COL15A1: variants seen among roughly 807,000 people sequenced by gnomAD.
The protein encoded by COL15A1 is collagen alpha-1(XV) chain.
Under a neutral mutation model 165.9 loss-of-function variants are expected in COL15A1, and 111 were observed. The observed-to-expected ratio is 0.67, with a 90% CI of 0.57 to 0.78. The LOEUF (loss-of-function observed/expected upper bound fraction) is 0.78, where lower values mean the gene tolerates loss of function less well. Among genes scored for constraint, COL15A1 ranks in the 30% least tolerant of loss-of-function variants. The pLI is 0.00. For missense variants in COL15A1, 1,745 were observed against 1,789.7 expected (o/e 0.98, Z 0.45); for synonymous variants, 659 against 674.8 (o/e 0.98, Z 0.36).
intron 24 of COL15A1, among the ~76,000 whole-genome samples, chr9:99,043,685 A>T (rs563553012): frequency 6.6e-6 from 1 of 152,188 alleles, no homozygotes; most frequent in Non-Finnish European, 1.5e-5. Context: ...GCTTGCTTTG[A>T]TGCTACTGTC....
At chr9:99,024,773 T>C in intron 14 of COL15A1, 101 bp from the exon 15 acceptor site, 3 of 1,388,402 alleles carry the variant, frequency 2.2e-6, no homozygotes, top group South Asian at 1.4e-5. Context: ...AAACCCTACA[T>C]GTAGGATTGT....
In COL15A1 at chr9:99,024,286, T is replaced by TG. The variant is rs1394213471; in HGVS notation, c.1855-588_1855-587insG. Among the ~76,000 whole-genome samples, 5 of 133,062 alleles carry TG rather than the reference T, an allele frequency of 3.8e-5. 1 individual carries two copies. In the South Asian group the frequency reaches 7.7e-4, roughly 20 times the overall value. The allele number at this position is 133,062 out of a possible 152,430, so 87.3% of individuals were successfully genotyped here. A position where few individuals can be genotyped will look rare whatever the true frequency, so the allele number is the denominator to read the frequency against. Reference sequence around the variant, plus strand: ...ACAAGCAGTTTTTTTTGTTTTTTTGTTTTTTTTTTTTTGAGATGGAGTCTT... The same window carrying TG: ...ACAAGCAGTTTTTTTTGTTTTTTTGTGTTTTTTTTTTTTGAGATGGAGTCTT... On this transcript the variant is annotated intron_variant, in intron 14 of 41. Coordinates refer to ENST00000375001, the MANE Select transcript of COL15A1 (RefSeq NM_001855.5).
At position 99,068,068 on chromosome 9, in the gene COL15A1, A is replaced by G. The variant is rs530246813; in HGVS notation, c.3838-487A>G. 3.9e-5 allele frequency among the ~76,000 whole-genome samples: 6 copies of G among 152,356 alleles called. No homozygotes were observed. In the South Asian group the frequency reaches 1.2e-3, roughly 32 times the overall value. On this transcript the variant is annotated intron_variant, in intron 40 of 41. Transcript: ENST00000375001. ...TAAAAGCAAAAGCGTTCATGGATGG[A>G]TTATAAAATCAAACCACAAACATTT... is the stretch of plus-strand genomic sequence containing the variant.
At chr9:98,971,253 C>T (rs915185494) in intron 2 of COL15A1, among the ~76,000 whole-genome samples, 3 of 152,204 alleles carry the variant, frequency 2.0e-5, no homozygotes, top group Non-Finnish European at 1.5e-5. Context: ...TCACTGCATG[C>T]TCCCATCCCA....
At chr9:98,967,298 C>G (rs1480376349) in intron 2 of COL15A1, among the ~76,000 whole-genome samples, 1 of 152,174 alleles carries the variant, frequency 6.6e-6, no homozygotes, top group Non-Finnish European at 1.5e-5. Flanking sequence ...AAGGTGTGTG[C>G]CGACCCTTCT....
At chr9:99,056,122 T>C (rs1825716319) in intron 34 of COL15A1, 138 bp from the exon 35 acceptor site, 1 of 934,084 alleles carries the variant, frequency 1.1e-6, no homozygotes, top group Non-Finnish European at 1.7e-6. Flanking sequence ...CCACCTTGAA[T>C]TGTGCCCAAG....
At chr9:99,017,705 TC>T (rs1039125737) in intron 11 of COL15A1, among the ~76,000 whole-genome samples, 9 of 151,954 alleles carry the variant, frequency 5.9e-5, no homozygotes, top group Admixed American at 2.6e-4. Context: ...CCAAACAATG[TC>T]CCCCTGCTCT....
chr9:98,992,319 C>G (rs554605152), intron 5 of COL15A1, among the ~76,000 whole-genome samples: 1 of 152,216 alleles, frequency 6.6e-6, no homozygotes, highest in Non-Finnish European at 1.5e-5. Context: ...CTGGGGGACC[C>G]GGCACACCCT....
At chr9:99,015,215 G>C (rs1172864897) in intron 9 of COL15A1, among the ~76,000 whole-genome samples, 6 of 152,114 alleles carry the variant, frequency 3.9e-5, no homozygotes, top group African/African-American at 1.4e-4. Flanking sequence ...AGGGACTCTG[G>C]GGTGGGTGGG....
At chr9:99,028,973 T>C (rs745741769) in intron 16 of COL15A1, among the ~76,000 whole-genome samples, 2 of 152,242 alleles carry the variant, frequency 1.3e-5, no homozygotes, top group Non-Finnish European at 2.9e-5. Context: ...AACTAACTCT[T>C]AAGATCTTTA....
At chr9:99,037,674 G>A (rs549361333) in intron 21 of COL15A1, among the ~76,000 whole-genome samples, 1 of 152,342 alleles carries the variant, frequency 6.6e-6, no homozygotes, top group African/African-American at 2.4e-5. Flanking sequence ...GTAACTGACA[G>A]GCAAATGAAC....
At chr9:99,061,528 T>G (rs7035813) in intron 36 of COL15A1, among the ~76,000 whole-genome samples, 1,734 of 152,344 alleles carry the variant, frequency 0.011, 22 homozygotes, top group African/African-American at 0.04. Flanking sequence ...TTGCTTGCCT[T>G]TCTTATTCCA....
intron 39 of COL15A1, among the ~76,000 whole-genome samples, chr9:99,065,291 T>C (rs559639456): frequency 6.6e-6 from 1 of 152,144 alleles, no homozygotes; most frequent in South Asian, 2.1e-4. Flanking sequence ...TGGGGAAGCC[T>C]CATTCCATCA....
chr9:99,034,386 G>A (rs533084891), intron 16 of COL15A1, among the ~76,000 whole-genome samples, 163 bp from the exon 17 acceptor site: 9 of 152,086 alleles, frequency 5.9e-5, no homozygotes, highest in African/African-American at 1.9e-4. Context: ...CAACAGACTG[G>A]CACCTATTGT....
At chr9:99,049,221 T>C (rs1360107411) in intron 28 of COL15A1, among the ~76,000 whole-genome samples, 1 of 152,204 alleles carries the variant, frequency 6.6e-6, no homozygotes, top group Non-Finnish European at 1.5e-5. Context: ...GACTGTGCTA[T>C]CTAACAAGAG....
intron 9 of COL15A1, among the ~76,000 whole-genome samples, chr9:99,008,178 T>C (rs1429623904): frequency 1.3e-5 from 2 of 152,180 alleles, no homozygotes; most frequent in Non-Finnish European, 2.9e-5. Flanking sequence ...AGATTTGACT[T>C]TAAGGCCTTA....
At chr9:98,975,532 C>G (rs1234680601) in intron 2 of COL15A1, among the ~76,000 whole-genome samples, 1 of 152,198 alleles carries the variant, frequency 6.6e-6, no homozygotes, top group Non-Finnish European at 1.5e-5. Flanking sequence ...AAACCTGAAC[C>G]CTGCTCTGTT....
chr9:99,025,305 C>T (rs979430782), intron 15 of COL15A1, among the ~76,000 whole-genome samples: 2 of 152,328 alleles, frequency 1.3e-5, no homozygotes, highest in South Asian at 2.1e-4. Context: ...AAGTGATGCA[C>T]ATTCAGCAGA....
At chr9:98,974,982 T>A (rs1385862496) in intron 2 of COL15A1, among the ~76,000 whole-genome samples, 1 of 150,332 alleles carries the variant, frequency 6.7e-6, no homozygotes, top group East Asian at 1.9e-4. Flanking sequence ...CTCTCTTGGG[T>A]CCCTTAACAG....
Sources: gnomAD v4.1 joint callset for allele counts (sites outside exome capture counted in the v4.1 genomes callset) on GRCh38, gnomAD v4.1.1 for gene constraint, MANE v1.5 for transcripts, NCBI Gene and HGNC (gene_info 2026-07-23, HGNC 2026-07-21) for gene names.